Variants in TGDS observed in about 807,000 individuals in gnomAD.
TGDS encodes the protein TDP-glucose 4,6-dehydratase, also known as UDP-D-glucose 4,6-dehydratase.
In TGDS, 47 loss-of-function variants were observed where a neutral mutation model predicts 52.3. The ratio of observed to expected loss-of-function variants is 0.90; its 90% CI spans 0.71 to 1.15. The LOEUF (loss-of-function observed/expected upper bound fraction) is 1.15. TGDS is among the 50% of genes most tolerant of loss of function. TGDS has a pLI of 0.00. For synonymous variants in TGDS, 115 were observed against 136.9 expected (o/e 0.84, Z 1.12); for missense variants, 375 against 418.4 (o/e 0.90, Z 0.90).
At chr13:94,590,520 A>T (rs1400223068) in intron 4 of TGDS, among the ~76,000 whole-genome samples, 1 of 152,172 alleles carries the variant, frequency 6.6e-6, no homozygotes, top group African/African-American at 2.4e-5. Context: ...TCATAAAATG[A>T]TATAAATAAT....
In TGDS at chr13:94,579,914, G is replaced by C. The variant is rs1351650281; in HGVS notation, c.595C>G (p.Pro199Ala). ...TTTACCTTTTCTGGATATTGATGTG[G>C]TCCATAAACATTACTGCTTCTTGTG... ...VITRSSNVYG[P>A]HQYPEKVIPK... The change falls in exon 7 of 12, where the codon CCA (proline) becomes GCA (alanine). Residue 199 changes from proline to alanine, a missense_variant. Pro to Ala is a conservative substitution (Grantham distance 27). Transcript: ENST00000261296. The C allele has an allele frequency of 1.2e-6, 2 of 1,601,518 alleles. No individual in the cohort carries two copies.
At chr13:94,581,386 A>C (rs1434091910) in intron 5 of TGDS, among the ~76,000 whole-genome samples, 197 bp from the exon 6 acceptor site, 1 of 152,204 alleles carries the variant, frequency 6.6e-6, no homozygotes, top group East Asian at 1.9e-4. Flanking sequence ...GAGAGAGAGA[A>C]CAGCAAGTGT....
At chr13:94,579,728 T>G (rs1888720521) in intron 7 of TGDS, 166 bp downstream of exon 7, 1 of 478,536 alleles carries the variant, frequency 2.1e-6, no homozygotes, top group South Asian at 3.7e-5. Flanking sequence ...AACTCAAGTT[T>G]TCAAACTCTA....
At chr13:94,576,248 G>T in intron 11 of TGDS, 66 bp downstream of exon 11, 1 of 1,123,084 alleles carries the variant, frequency 8.9e-7, no homozygotes, top group Non-Finnish European at 1.3e-6. Flanking sequence ...ATAATGTTCT[G>T]GAAATAAGTT....
chr13:94,577,488 T>C (rs556675043), intron 9 of TGDS, 59 bp from the exon 10 acceptor site: 10 of 1,377,910 alleles, frequency 7.3e-6, no homozygotes, highest in East Asian at 2.5e-5. Flanking sequence ...AGAATAACAA[T>C]AGTATTTAAT....
chr13:94,584,335 G>T (rs1396911678), intron 4 of TGDS, among the ~76,000 whole-genome samples: 2 of 152,074 alleles, frequency 1.3e-5, no homozygotes, highest in Non-Finnish European at 1.5e-5. Context: ...CGATCTACCT[G>T]GTGTCCTTAA....
intron 4 of TGDS, among the ~76,000 whole-genome samples, chr13:94,589,481 A>AT (rs1433842022): frequency 1.3e-5 from 2 of 151,948 alleles, no homozygotes; most frequent in African/African-American, 4.8e-5. Flanking sequence ...CGCCCGGCTA[A>AT]TTTTTTGTAC....
chr13:94,581,543 A>G (rs758832998), intron 5 of TGDS, among the ~76,000 whole-genome samples: 6 of 152,216 alleles, frequency 3.9e-5, no homozygotes, highest in Admixed American at 6.5e-5. Flanking sequence ...GAGCAGAGTA[A>G]TGCCAGGTCT....
rs1329339779 is a variant in TGDS, at chr13:94,590,961, C to T, written c.223-18G>A. On this transcript the variant is annotated intron_variant, in intron 3 of 11. Coordinates refer to ENST00000261296, the MANE Select transcript of TGDS (RefSeq NM_014305.4). Reference sequence around the variant, plus strand: ...ATGTCACCCTATATGAAAAAGCAAACATGAAAGGGCCTAGGTTTCATACAG... The same window carrying T: ...ATGTCACCCTATATGAAAAAGCAAATATGAAAGGGCCTAGGTTTCATACAG... The T allele has an allele frequency of 1.9e-6, 3 of 1,549,894 alleles. No individual in the cohort carries two copies. The highest frequency in any genetic ancestry group is 2.6e-6 in the Non-Finnish European group (3 of 1,149,554).
At chr13:94,590,663 G>A (rs917387212) in intron 4 of TGDS, among the ~76,000 whole-genome samples, 190 bp downstream of exon 4, 1 of 152,144 alleles carries the variant, frequency 6.6e-6, no homozygotes, top group Non-Finnish European at 1.5e-5. Flanking sequence ...AGTCAAGGTT[G>A]TATTTCACTA....
chr13:94,578,492 A>C (rs1202580996), intron 8 of TGDS, among the ~76,000 whole-genome samples: 1 of 152,214 alleles, frequency 6.6e-6, no homozygotes, highest in Non-Finnish European at 1.5e-5. Context: ...ATAGATTTCA[A>C]ATTTTAATGC....
At chr13:94,578,707 G>A (rs1220870900) in intron 8 of TGDS, 23 bp downstream of exon 8, 1 of 1,516,008 alleles carries the variant, frequency 6.6e-7, no homozygotes, top group Admixed American at 1.8e-5. Flanking sequence ...AAGCATATGG[G>A]TAAAAAGGTA....
chr13:94,595,878 T>C (rs1213602076), intron 1 of TGDS, 173 bp downstream of exon 1: 1 of 705,636 alleles, frequency 1.4e-6, no homozygotes, highest in Non-Finnish European at 2.4e-6. Flanking sequence ...AAGGAACCAC[T>C]TCTTTGCAGG....
At chr13:94,594,625 T>C (rs1889312523) in intron 1 of TGDS, among the ~76,000 whole-genome samples, 1 of 152,198 alleles carries the variant, frequency 6.6e-6, no homozygotes, top group Non-Finnish European at 1.5e-5. Context: ...TTGAAGTTTG[T>C]ATTCGGCATT....
At chr13:94,580,722 T>C (rs1451349687) in intron 6 of TGDS, among the ~76,000 whole-genome samples, 1 of 152,252 alleles carries the variant, frequency 6.6e-6, no homozygotes, top group Non-Finnish European at 1.5e-5. Flanking sequence ...AGTTATTCCT[T>C]TAATGATGAA....
intron 8 of TGDS, 21 bp from the exon 9 acceptor site, chr13:94,578,191 G>A: frequency 3.1e-6 from 5 of 1,611,086 alleles, no homozygotes; most frequent in Non-Finnish European, 4.2e-6. Flanking sequence ...TAAACGAAGT[G>A]AAATCATAAA....
intron 7 of TGDS, 158 bp downstream of exon 7, chr13:94,579,736 C>G (rs930183180): frequency 8.3e-5 from 40 of 483,410 alleles, no homozygotes; most frequent in Non-Finnish European, 1.4e-4. Flanking sequence ...TTTTCAAACT[C>G]TAAGTCTGAA....
chr13:94,576,724 A>G (rs1041130134), intron 10 of TGDS, among the ~76,000 whole-genome samples: 9 of 152,186 alleles, frequency 5.9e-5, no homozygotes, highest in Non-Finnish European at 1.2e-4. Context: ...AAATACACAA[A>G]AACTTATTAG....
chr13:94,578,024 G>A lies in TGDS; in HGVS notation c.806C>T (p.Ala269Val), dbSNP rs971659298. ...ACATACCAGTTGTATTAGTTCTTTG[G>A]CAAGCTGGACAACTGACATTTCAAA... ...TNFEMSVVQL[A>V]KELIQLIKET... The change falls in exon 9 of 12, where the codon GCC becomes GTC. Residue 269 changes from alanine (A) to valine (V), a missense_variant. Coordinates refer to ENST00000261296, the MANE Select transcript of TGDS (RefSeq NM_014305.4). 6.2e-7 allele frequency: 1 copy of A among 1,613,466 alleles called. No homozygotes were observed. Among genetic ancestry groups the A allele is most frequent in the African/African-American group, 1.3e-5 (1 of 74,874 alleles).
Sources: gnomAD v4.1 joint callset for allele counts (sites outside exome capture counted in the v4.1 genomes callset) on GRCh38, gnomAD v4.1.1 for gene constraint, MANE v1.5 for transcripts, NCBI Gene and HGNC (gene_info 2026-07-23, HGNC 2026-07-21) for gene names.